The following WDR4 variants were observed in gnomAD, a reference collection of about 807,000 sequenced individuals.
WDR4 encodes the protein WDR4 tRNA N7-guanosine methyltransferase non-catalytic subunit, also known as tRNA (guanine-N(7)-)-methyltransferase non-catalytic subunit WDR4.
WDR4 carries 47 observed loss-of-function variants against 48.6 expected under a neutral mutation model. The observed-to-expected ratio is 0.97, with a 90% CI of 0.77 to 1.23. The LOEUF is 1.23. Ranked by LOEUF, WDR4 falls within the 50% of genes most tolerant of loss-of-function variation. WDR4 has a pLI of 0.00. For synonymous variants in WDR4, 268 were observed against 230.0 expected (o/e 1.17, Z -1.49); for missense variants, 606 against 551.6 (o/e 1.10, Z -0.99).
the WDR4 span, among the ~76,000 whole-genome samples, chr21:42,891,608 C>G: frequency 1.3e-5 from 2 of 151,782 alleles, no homozygotes; most frequent in African/African-American, 4.8e-5. Context: ...GCACACCTCA[C>G]AAAGGCGAGC....
intron 3 of WDR4, 101 bp from the exon 4 acceptor site, chr21:42,863,697 C>T: frequency 3.0e-6 from 4 of 1,325,288 alleles, no homozygotes; most frequent in Admixed American, 2.3e-5. Flanking sequence ...CGGTACCTGG[C>T]CATATGCTCT....
rs1409606504 is a variant in WDR4 at position 42,879,483 on chromosome 21, C to T, written c.13G>A (p.Val5Met). The T allele has an allele frequency of 6.2e-7, 1 of 1,613,560 alleles. No individual in the cohort carries two copies. Among genetic ancestry groups the T allele is most frequent in the African/African-American group, 1.3e-5 (1 of 75,028 alleles). Reference protein sequence around the residue: MAGSVGLALCGQTLV... With the variant: MAGSMGLALCGQTLV... ...GTCTGCCCGCACAACGCCAGTCCCA[C>T]AGAGCCCGCCATGTACCCGCCCGCC... Residue 5 changes from valine (V) to methionine (M), a missense_variant, in exon 1 of 11, where the codon GTG becomes ATG. By Grantham distance (21) the Val-to-Met change is conservative (BLOSUM62 1). Coordinates refer to ENST00000398208, the MANE Select transcript of WDR4 (RefSeq NM_018669.6).
At chr21:42,858,842 C>CG (rs2146030350) in intron 6 of WDR4, among the ~76,000 whole-genome samples, 1 of 152,228 alleles carries the variant, frequency 6.6e-6, no homozygotes, top group African/African-American at 2.4e-5. Flanking sequence ...AACATAGAAG[C>CG]GGCCAGAAGG....
intron 2 of WDR4, among the ~76,000 whole-genome samples, chr21:42,876,215 ACT>A (rs1491242285): frequency 2.0e-5 from 1 of 50,858 alleles, no homozygotes. Flanking sequence ...CTAACACTGT[ACT>A]CTTTTTTTTT....
chr21:42,851,353 G>C (rs751283411), intron 10 of WDR4, among the ~76,000 whole-genome samples: 3 of 152,194 alleles, frequency 2.0e-5, no homozygotes, highest in African/African-American at 7.2e-5. Flanking sequence ...CAAAGCAGGA[G>C]GGAGAGAAGC....
At chr21:42,872,978 T>C (rs2058406234) in intron 3 of WDR4, among the ~76,000 whole-genome samples, 1 of 152,134 alleles carries the variant, frequency 6.6e-6, no homozygotes, top group Admixed American at 6.6e-5. Context: ...CAGAAGAACC[T>C]TTCCGGACTT....
the WDR4 span, among the ~76,000 whole-genome samples, chr21:42,892,070 G>A: frequency 2.0e-5 from 3 of 150,774 alleles, no homozygotes; most frequent in Non-Finnish European, 4.4e-5. Flanking sequence ...TGGCTAACAC[G>A]GTGAAACCCT....
downstream of WDR4, among the ~76,000 whole-genome samples, chr21:42,844,791 C>T (rs373297803): frequency 1.4e-4 from 22 of 152,322 alleles, 1 homozygote; most frequent in South Asian, 2.1e-3. Flanking sequence ...AGGAATCCTT[C>T]CCACCGTGGT....
At chr21:42,888,093 T>A in the WDR4 span, among the ~76,000 whole-genome samples, 1 of 152,208 alleles carries the variant, frequency 6.6e-6, no homozygotes, top group Non-Finnish European at 1.5e-5. Flanking sequence ...ATGTGGTTCA[T>A]CCTAGTTTTG....
upstream of WDR4, among the ~76,000 whole-genome samples, chr21:42,883,127 C>T (rs1304743603): frequency 1.5e-5 from 2 of 135,872 alleles, no homozygotes; most frequent in African/African-American, 5.8e-5. Context: ...ATAGAAAAAT[C>T]AGCTGGGAGT....
downstream of WDR4, among the ~76,000 whole-genome samples, chr21:42,848,740 ACCTCACACAGCACACGATCACGC>A (rs1201949495): frequency 1.5e-3 from 63 of 42,976 alleles, 11 homozygotes; most frequent in African/African-American, 2.8e-3. Context: ...CACGGCGCGC[ACCTCACACAGCACACGATCACGC>A]GGCGCGCACC....
intron 6 of WDR4, among the ~76,000 whole-genome samples, chr21:42,859,063 G>C (rs1259783157): frequency 1.3e-5 from 2 of 152,096 alleles, no homozygotes; most frequent in Non-Finnish European, 2.9e-5. Context: ...TCACTAAACT[G>C]TAAGGCTTCC....
chr21:42,853,481 A>G (rs2057889124), intron 9 of WDR4, 88 bp downstream of exon 9: 11 of 1,432,454 alleles, frequency 7.7e-6, no homozygotes, highest in Non-Finnish European at 1.0e-5. Context: ...AGGCTTACCC[A>G]TGGACCCAAA....
At position 42,850,036 on chromosome 21, in the gene WDR4, C is replaced by T; in HGVS notation, c.*13G>A. 6.2e-7 allele frequency: 1 copy of T among 1,613,124 alleles called. No individual in the cohort carries two copies. On this transcript the variant is annotated 3_prime_UTR_variant, in exon 11 of 11. Transcript: ENST00000398208. ...TCCTAATTTGAGGTGAGAGACACCA[C>T]TGACCGCCACGATCAGCAACTTAGC...
At position 42,873,701 on chromosome 21, in the gene WDR4, A is replaced by AG; in HGVS notation, c.156-11dup. 1.2e-6 allele frequency: 2 copies of AG among 1,611,998 alleles called. No homozygotes were observed. Among genetic ancestry groups the AG allele is most frequent in the Non-Finnish European group, 1.7e-6 (2 of 1,178,750 alleles). On this transcript the variant is annotated splice_polypyrimidine_tract_variant and intron_variant, in intron 2 of 10. Transcript: ENST00000398208. ...CAAGGGCGCGTCCTCCCTGAGGAAG[A>AG]GAGGAGGAAGACGGTTAAGCTTCAC...
chr21:42,871,792 A>G (rs2058374319), intron 3 of WDR4, among the ~76,000 whole-genome samples: 8 of 152,230 alleles, frequency 5.3e-5, no homozygotes. Context: ...AACCATGTGC[A>G]TCTATTACCT....
intron 1 of WDR4, among the ~76,000 whole-genome samples, chr21:42,876,988 T>C (rs2058507316): frequency 6.6e-6 from 1 of 151,730 alleles, no homozygotes; most frequent in Non-Finnish European, 1.5e-5. Flanking sequence ...CCAGCTAATT[T>C]TTACTTTTTG....
In WDR4 at chr21:42,849,758, G is replaced by C. The variant is rs760646628; in HGVS notation, c.*291C>G. On this transcript the variant is annotated 3_prime_UTR_variant, in exon 11 of 11. Transcript: ENST00000398208. ...GAGAACAGGAGAAACACAGACAGCTGCCGCCACCACCGGCTCACACGCAGC... is the reference window on the plus strand; with the variant it reads ...GAGAACAGGAGAAACACAGACAGCTCCCGCCACCACCGGCTCACACGCAGC... 8 of 348,288 alleles carry C rather than the reference G, an allele frequency of 2.3e-5. No homozygotes were observed. Among genetic ancestry groups the C allele is most frequent in the Non-Finnish European group, 4.2e-5 (8 of 192,124 alleles). 21.6% of individuals were successfully genotyped at this position (348,288 alleles called of 1,614,324 possible). A position where few individuals can be genotyped will look rare whatever the true frequency, so the allele number is the denominator to read the frequency against.
chr21:42,883,370 C>G (rs1409490285), upstream of WDR4, among the ~76,000 whole-genome samples: 9 of 139,600 alleles, frequency 6.4e-5, no homozygotes, highest in East Asian at 1.9e-3. Flanking sequence ...TCTTATGGTC[C>G]TTCAGTTAAA....
Sources: gnomAD v4.1 joint callset for allele counts (sites outside exome capture counted in the v4.1 genomes callset) on GRCh38, gnomAD v4.1.1 for gene constraint, MANE v1.5 for transcripts, NCBI Gene and HGNC (gene_info 2026-07-23, HGNC 2026-07-21) for gene names.